The following BOC variants were observed in gnomAD, a reference collection of about 807,000 sequenced individuals.
The protein encoded by BOC is brother of CDO.
Under a neutral mutation model 112.0 loss-of-function variants are expected in BOC, and 76 were observed. That is an observed-to-expected ratio of 0.68 (90% confidence interval 0.56 to 0.82). BOC has a LOEUF of 0.82. BOC is among the 40% of genes least tolerant of loss of function. The pLI is 0.00. For missense variants in BOC, 1,309 were observed against 1,511.7 expected (o/e 0.87, Z 2.22); for synonymous variants, 580 against 599.8 (o/e 0.97, Z 0.48).
intron 2 of BOC, among the ~76,000 whole-genome samples, chr3:113,226,923 C>A (rs1941761070): frequency 6.6e-6 from 1 of 152,230 alleles, no homozygotes; most frequent in African/African-American, 2.4e-5. Context: ...GGTGGCCTTT[C>A]AATTGACCAG....
In BOC at chr3:113,278,849, A is replaced by G. The variant is rs1948916247; in HGVS notation, c.1816+66A>G. 5 of 1,346,150 alleles carry G rather than the reference A, an allele frequency of 3.7e-6. No individual in the cohort carries two copies. In the South Asian group the frequency reaches 6.3e-5, roughly 17 times the overall value. The allele number at this position is 1,346,150 out of a possible 1,614,324, so 83.4% of individuals were successfully genotyped here. On this transcript the variant is annotated intron_variant, in intron 11 of 19. Coordinates refer to ENST00000682979, the MANE Select transcript of BOC (RefSeq NM_001378074.1). The surrounding 1 kb of genome is among the most constrained non-coding windows in gnomAD (Gnocchi z 4.2). ...GGAACTGCCTCAGAGGCCTGTTCCC[A>G]TGGCTGAATGGGGTCTTGCTTCTGT...
At chr3:113,225,337 C>A (rs1254921679) in intron 2 of BOC, among the ~76,000 whole-genome samples, 1 of 152,044 alleles carries the variant, frequency 6.6e-6, no homozygotes, top group Non-Finnish European at 1.5e-5. Flanking sequence ...TGAGGCCAGC[C>A]AGTACTTTCT....
chr3:113,234,067 C>G (rs1943090508), intron 2 of BOC, among the ~76,000 whole-genome samples: 1 of 152,176 alleles, frequency 6.6e-6, no homozygotes, highest in Non-Finnish European at 1.5e-5. Context: ...AGCAAACATT[C>G]TTTGAGTACC....
rs1044498454 is a variant in BOC at position 113,278,098 on chromosome 3, G to A, written c.1546G>A (p.Val516Ile). 1 of 1,614,060 alleles carries A rather than the reference G, an allele frequency of 6.2e-7. No homozygotes were observed. The highest frequency in any genetic ancestry group is 1.3e-5 in the African/African-American group (1 of 74,906). ...TTATACCAGCTACCTTCTCCAGCAGGTCACAAATTCCTCTGACGATTGGAC... is the reference window on the plus strand; with the variant it reads ...TTATACCAGCTACCTTCTCCAGCAGATCACAAATTCCTCTGACGATTGGAC... ...LYYVVKHRKQ[V>I]TNSSDDWTIS... Residue 516 changes from valine (V) to isoleucine (I), a missense_variant, in exon 10 of 20, where the codon GTC (valine) becomes ATC (isoleucine). Coordinates refer to ENST00000682979, the MANE Select transcript of BOC (RefSeq NM_001378074.1). The surrounding 1 kb of genome is among the most constrained non-coding windows in gnomAD (Gnocchi z 4.2).
At chr3:113,215,113 C>G (rs1266356928) in intron 1 of BOC, among the ~76,000 whole-genome samples, 4 of 152,106 alleles carry the variant, frequency 2.6e-5, no homozygotes, top group Non-Finnish European at 4.4e-5. Context: ...TTGGAAAGAC[C>G]CAAATCCTAA....
chr3:113,273,470 A>G (rs1469333916), intron 8 of BOC, 129 bp downstream of exon 8: 1 of 1,017,078 alleles, frequency 9.8e-7, no homozygotes, highest in South Asian at 2.2e-5. Context: ...GCTCAAATTT[A>G]TATGAACTTA....
At chr3:113,229,423 A>G (rs1318814805) in intron 2 of BOC, among the ~76,000 whole-genome samples, 1 of 152,034 alleles carries the variant, frequency 6.6e-6, no homozygotes, top group Non-Finnish European at 1.5e-5. Context: ...GCTAGCATCT[A>G]CCTTAGGGCC....
intron 4 of BOC, 134 bp from the exon 5 acceptor site, chr3:113,268,165 A>T (rs752242068): frequency 7.3e-7 from 1 of 1,368,590 alleles, no homozygotes; most frequent in Non-Finnish European, 9.9e-7. Flanking sequence ...TGGAGGAAGA[A>T]CTCGGAGGAT....
intron 1 of BOC, chr3:113,212,661 G>A (rs1938433264): frequency 6.5e-6 from 1 of 152,720 alleles, no homozygotes; most frequent in African/African-American, 2.4e-5. Flanking sequence ...AGTGGCCCGA[G>A]GTGTCTGAGG....
At chr3:113,230,511 C>T (rs1196931802) in intron 2 of BOC, among the ~76,000 whole-genome samples, 1 of 152,220 alleles carries the variant, frequency 6.6e-6, no homozygotes. Flanking sequence ...TAAGCAAGTT[C>T]CTTAATCTCT....
chr3:113,250,557 G>A lies in BOC; in HGVS notation c.100G>A (p.Glu34Lys), dbSNP rs140351422. ...CTGCATCCCTGTTCTTCCTCCAGAC[G>A]AGGTCCCTCAGGTCACCGTCCAGCC... ...ATAGCFADLN[E>K]VPQVTVQPAS... The change falls in exon 4 of 20, where the codon GAG becomes AAG. Residue 34 changes from glutamate to lysine, a missense_variant and splice_region_variant. Coordinates refer to ENST00000682979, the MANE Select transcript of BOC (RefSeq NM_001378074.1). 44 of 1,608,612 alleles carry A rather than the reference G, an allele frequency of 2.7e-5. No homozygotes were observed. The highest frequency in any genetic ancestry group is 1.8e-4 in the South Asian group (16 of 90,170).
In BOC at chr3:113,286,846, C is replaced by T. The variant is rs773909973; in HGVS notation, c.3332C>T (p.Pro1111Leu). The change falls in exon 20 of 20, where the codon CCA becomes CTA. Residue 1111 changes from proline to leucine, a missense_variant. Physicochemically the swap from Pro to Leu is moderately conservative, Grantham distance 98 (BLOSUM62 -3). Transcript: ENST00000682979. ...GPLVRVSFET[P>L]PLTI ...CTGGTGCGTGTGTCTTTTGAAACAC[C>T]ACCTCTCACAATTTAGGCAGAAGCT... 4 of 1,587,430 alleles carry T rather than the reference C, an allele frequency of 2.5e-6. No homozygotes were observed. The highest frequency in any genetic ancestry group is 2.6e-6 in the Non-Finnish European group (3 of 1,169,566).
At chr3:113,272,736 G>A (rs544381310) in intron 7 of BOC, 33 bp downstream of exon 7, 1 of 1,606,806 alleles carries the variant, frequency 6.2e-7, no homozygotes, top group Non-Finnish European at 8.5e-7. Flanking sequence ...CTTCTGCTTG[G>A]CCTTCTCTCT....
chr3:113,270,244 G>A (rs760416235), intron 5 of BOC: 1 of 144,134 alleles, frequency 6.9e-6, no homozygotes, highest in East Asian at 2.0e-4. Context: ...GAGAATGATG[G>A]GAAGCTCCAA....
chr3:113,263,455 C>T (rs779599275), intron 4 of BOC, among the ~76,000 whole-genome samples: 29 of 152,174 alleles, frequency 1.9e-4, no homozygotes, highest in Non-Finnish European at 5.9e-5. Flanking sequence ...CGGATGGTGG[C>T]GTCTTACTTC....
At chr3:113,214,237 A>C (rs1308063867) in intron 1 of BOC, among the ~76,000 whole-genome samples, 2 of 152,208 alleles carry the variant, frequency 1.3e-5, no homozygotes, top group Non-Finnish European at 2.9e-5. Flanking sequence ...CCACCCTCCA[A>C]ATGGGTCCAG....
At chr3:113,225,041 C>T (rs1341834829) in intron 2 of BOC, among the ~76,000 whole-genome samples, 1 of 152,144 alleles carries the variant, frequency 6.6e-6, no homozygotes, top group Non-Finnish European at 1.5e-5. Flanking sequence ...CACACCACTG[C>T]ACTCCAGCCT....
rs1225054171 is a variant in BOC, at chr3:113,280,624, A to G, written c.2272A>G (p.Ser758Gly). 1 of 1,612,206 alleles carries G rather than the reference A, an allele frequency of 6.2e-7. No homozygotes were observed. The highest frequency in any genetic ancestry group is 1.7e-5 in the Admixed American group (1 of 60,026). ...GFYIYYRPTD[S>G]DNDSDYKKDM... ...TTATATCTATTATCGACCCACAGAC[A>G]GTGACAATGATAGTGACTACAAGAA... Residue 758 changes from serine to glycine, a missense_variant, in exon 14 of 20, where the codon AGT becomes GGT. Transcript: ENST00000682979.
intron 4 of BOC, among the ~76,000 whole-genome samples, chr3:113,267,534 G>A (rs1398720343): frequency 6.6e-6 from 1 of 152,186 alleles, no homozygotes; most frequent in Admixed American, 6.5e-5. Context: ...TGTCCTGGCA[G>A]ATTCCTCTTT....
Sources: allele counts gnomAD v4.1 joint callset (sites outside exome capture counted in the v4.1 genomes callset), GRCh38; gene constraint gnomAD v4.1.1; non-coding constraint Gnocchi (gnomAD v3.1); transcripts MANE v1.5; gene names NCBI Gene and HGNC (gene_info 2026-07-23, HGNC 2026-07-21).